Variants in SH3RF3 observed in about 807,000 individuals in gnomAD.
The protein encoded by SH3RF3 is SH3 domain containing ring finger 3.
Under a neutral mutation model 66.3 loss-of-function variants are expected in SH3RF3, and 29 were observed. The observed-to-expected ratio is 0.44, with a 90% CI of 0.33 to 0.60. SH3RF3 has a LOEUF of 0.60. SH3RF3 is among the 20% of genes least tolerant of loss of function. The pLI, the probability that SH3RF3 is intolerant of heterozygous loss-of-function variation, is 0.04. For missense variants in SH3RF3, 1,194 were observed against 1,190.9 expected (o/e 1.00, Z -0.04); for synonymous variants, 583 against 532.0 (o/e 1.10, Z -1.32).
At position 109,209,176 on chromosome 2, in the gene SH3RF3, T is replaced by C. The variant is rs149897945; in HGVS notation, c.573+79063T>C. Among the ~76,000 whole-genome samples, 116 of 152,328 alleles carry C rather than the reference T, an allele frequency of 7.6e-4. No individual in the cohort carries two copies. In the East Asian group the frequency reaches 0.015, roughly 20 times the overall value. Reference sequence around the variant, plus strand: ...TGTGCTGTGGTCTGCCTGGGCATCATAGTTGTGTACCTGAGGCTGGTGGTC... The same window carrying C: ...TGTGCTGTGGTCTGCCTGGGCATCACAGTTGTGTACCTGAGGCTGGTGGTC... On this transcript the variant is annotated intron_variant, in intron 1 of 9. Coordinates refer to ENST00000309415, the MANE Select transcript of SH3RF3 (RefSeq NM_001099289.3).
chr2:109,279,895 CAA>C (rs1035386584), intron 1 of SH3RF3, among the ~76,000 whole-genome samples: 4 of 151,116 alleles, frequency 2.6e-5, no homozygotes, highest in African/African-American at 9.8e-5. Flanking sequence ...TGAGAGAGGA[CAA>C]GGGATGAGAG....
chr2:109,262,846 T>C (rs1680390790), intron 1 of SH3RF3, among the ~76,000 whole-genome samples: 1 of 152,178 alleles, frequency 6.6e-6, no homozygotes, highest in African/African-American at 2.4e-5. Flanking sequence ...CTTTTTTATT[T>C]TTTTGAGACA....
rs542165349 is a variant in SH3RF3 at position 109,403,749 on chromosome 2, C to T, written c.1299+4806C>T. ...AGTTGCTGAACCTCTTGGAGCCCTGCAGTTAAGAGCCAGCCTCCAGAGCCA... is the reference window on the plus strand; with the variant it reads ...AGTTGCTGAACCTCTTGGAGCCCTGTAGTTAAGAGCCAGCCTCCAGAGCCA... On this transcript the variant is annotated intron_variant, in intron 4 of 9. Transcript: ENST00000309415. 3.9e-5 allele frequency among the ~76,000 whole-genome samples: 6 copies of T among 152,296 alleles called. No individual in the cohort carries two copies. The South Asian group carries it at 8.3e-4, about 21-fold the overall frequency.
chr2:109,418,655 A>G (rs1676787913), intron 4 of SH3RF3, among the ~76,000 whole-genome samples: 1 of 152,144 alleles, frequency 6.6e-6, no homozygotes, highest in Non-Finnish European at 1.5e-5. Context: ...TCCTTACCTC[A>G]TATCTGCAAA....
chr2:109,241,231 G>A (rs530626098), intron 1 of SH3RF3, among the ~76,000 whole-genome samples: 2 of 147,052 alleles, frequency 1.4e-5, no homozygotes, highest in African/African-American at 5.1e-5. Context: ...TTTGTCTCTT[G>A]ACCTAACAAT....
intron 4 of SH3RF3, among the ~76,000 whole-genome samples, chr2:109,404,334 G>A (rs1281255780): frequency 6.6e-6 from 1 of 152,244 alleles, no homozygotes; most frequent in Non-Finnish European, 1.5e-5. Flanking sequence ...TGGGAGCTGT[G>A]TAAGGTGAGC....
Position 109,398,570 on chromosome 2 carries a change from CT to C in SH3RF3, c.946-19del. 1 of 1,531,084 alleles carries C rather than the reference CT, an allele frequency of 6.5e-7. No individual in the cohort carries two copies. The allele number at this position is 1,531,084 out of a possible 1,614,324, so 94.8% of individuals were successfully genotyped here. A position where few individuals can be genotyped will look rare whatever the true frequency, so the allele number is the denominator to read the frequency against. On this transcript the variant is annotated intron_variant, in intron 3 of 9. Coordinates refer to ENST00000309415, the MANE Select transcript of SH3RF3 (RefSeq NM_001099289.3). The stretch of plus-strand genomic sequence containing the variant: ...TGACCATGATTTAATGCAGCCTCCC[CT>C]CTCCCCTTTCTCACTCAGCTCAATG...
intron 1 of SH3RF3, 78 bp from the exon 2 acceptor site, chr2:109,347,596 C>T (rs1682739542): frequency 5.9e-6 from 9 of 1,530,334 alleles, no homozygotes; most frequent in Admixed American, 3.9e-5. Context: ...TGAGAAGCCC[C>T]GGCCTGCCCC....
intron 1 of SH3RF3, among the ~76,000 whole-genome samples, chr2:109,276,200 C>T (rs1211696667): frequency 2.6e-5 from 4 of 152,200 alleles, no homozygotes; most frequent in Admixed American, 2.6e-4. Flanking sequence ...CCAGCGTTCT[C>T]CCACATCACC....
intron 1 of SH3RF3, among the ~76,000 whole-genome samples, chr2:109,236,079 T>G (rs1328596328): frequency 2.0e-5 from 3 of 152,266 alleles, no homozygotes; most frequent in Admixed American, 2.0e-4. Flanking sequence ...CGCCTTGACC[T>G]ATTATAATAT....
At chr2:109,442,475 A>T (rs1252573802) in intron 7 of SH3RF3, among the ~76,000 whole-genome samples, 1 of 152,176 alleles carries the variant, frequency 6.6e-6, no homozygotes, top group Admixed American at 6.5e-5. Context: ...TTTTCTTATT[A>T]TTTGAATATC....
intron 1 of SH3RF3, among the ~76,000 whole-genome samples, chr2:109,293,781 G>A (rs1296837092): frequency 2.0e-5 from 3 of 152,244 alleles, no homozygotes; most frequent in Non-Finnish European, 2.9e-5. Context: ...TCTCCCAGCT[G>A]TAGGTGAACG....
chr2:109,162,927 C>A (rs1372210065), intron 1 of SH3RF3, among the ~76,000 whole-genome samples: 1 of 152,172 alleles, frequency 6.6e-6, no homozygotes, highest in African/African-American at 2.4e-5. Context: ...AGCCTCTTGG[C>A]TGATGCCTTT....
At chr2:109,134,895 G>C (rs1162943047) in intron 1 of SH3RF3, among the ~76,000 whole-genome samples, 1 of 152,208 alleles carries the variant, frequency 6.6e-6, no homozygotes. Flanking sequence ...AATCTGTTGT[G>C]GCTTTGGATG....
intron 1 of SH3RF3, among the ~76,000 whole-genome samples, chr2:109,172,960 C>G (rs1382716155): frequency 6.6e-6 from 1 of 152,240 alleles, no homozygotes; most frequent in African/African-American, 2.4e-5. Flanking sequence ...TGGGAACACA[C>G]TGAGTGTCAT....
intron 3 of SH3RF3, among the ~76,000 whole-genome samples, chr2:109,386,063 T>C (rs1468347240): frequency 6.6e-6 from 1 of 152,210 alleles, no homozygotes; most frequent in Admixed American, 6.5e-5. Context: ...GTGCTAGCTT[T>C]AGGATTGAAA....
intron 1 of SH3RF3, among the ~76,000 whole-genome samples, chr2:109,175,046 C>T (rs1031951171): frequency 3.9e-5 from 6 of 152,120 alleles, no homozygotes; most frequent in African/African-American, 7.2e-5. Context: ...TTATTTGAGT[C>T]GCACAGCAAA....
Position 109,129,612 on chromosome 2 carries a change from G to GGACAGGCCAGGCGAGCGACGGC in SH3RF3, c.74_95dup (p.Arg33GlnfsTer187). ...CTGCTGCGCAGAGCGAGGGCGACGA[G>GGACAGGCCAGGCGAGCGACGGC]GACAGGCCAGGCGAGCGACGGCGGC... On this transcript the variant is annotated frameshift_variant, in exon 1 of 10. Coordinates refer to ENST00000309415, the MANE Select transcript of SH3RF3 (RefSeq NM_001099289.3). LOFTEE classifies it high-confidence loss of function. The GGACAGGCCAGGCGAGCGACGGC allele has an allele frequency of 1.3e-6, 2 of 1,485,494 alleles. No individual in the cohort carries two copies. The highest frequency in any genetic ancestry group is 1.8e-6 in the Non-Finnish European group (2 of 1,126,410). The allele number at this position is 1,485,494 out of a possible 1,614,324, so 92.0% of individuals were successfully genotyped here. A position where few individuals can be genotyped will look rare whatever the true frequency, so the allele number is the denominator to read the frequency against.
intron 2 of SH3RF3, among the ~76,000 whole-genome samples, chr2:109,348,152 G>C (rs1319368982): frequency 1.3e-5 from 2 of 152,176 alleles, no homozygotes; most frequent in African/African-American, 2.4e-5. Context: ...TGAATGCTAT[G>C]GAGGGCACCA....
Sources: allele counts gnomAD v4.1 joint callset (sites outside exome capture counted in the v4.1 genomes callset), GRCh38; gene constraint gnomAD v4.1.1; transcripts MANE v1.5; gene names NCBI Gene and HGNC (gene_info 2026-07-23, HGNC 2026-07-21).